CALN1: variants seen among roughly 807,000 people sequenced by gnomAD.
CALN1 encodes calneuron 1, also known as calcium-binding protein 8.
In CALN1, 17 loss-of-function variants were observed where a neutral mutation model predicts 30.6. That is an observed-to-expected ratio of 0.56 (90% CI 0.38 to 0.83). CALN1 has a LOEUF of 0.83. Ranked by LOEUF, CALN1 falls within the 40% of genes least tolerant of loss-of-function variation. CALN1 has a pLI of 0.00. For synonymous variants in CALN1, 156 were observed against 131.4 expected (o/e 1.19, Z -1.28); for missense variants, 291 against 354.9 (o/e 0.82, Z 1.45).
chr7:72,255,066 C>T (rs1795820194), intron 3 of CALN1, among the ~76,000 whole-genome samples: 1 of 151,484 alleles, frequency 6.6e-6, no homozygotes, highest in Admixed American at 6.6e-5. Context: ...GCTGGAATTA[C>T]AGGCATGAGC....
chr7:72,061,509 A>G (rs1803644244), intron 4 of CALN1, among the ~76,000 whole-genome samples: 1 of 152,012 alleles, frequency 6.6e-6, no homozygotes, highest in African/African-American at 2.4e-5. Context: ...CTACAATGAA[A>G]ATTTCAGAAC....
At chr7:72,408,813 G>A (rs1806894006) in intron 1 of CALN1, among the ~76,000 whole-genome samples, 1 of 150,680 alleles carries the variant, frequency 6.6e-6, no homozygotes, top group Non-Finnish European at 1.5e-5. Context: ...CAGTAGCTGG[G>A]ACTACAGGCG....
At chr7:72,436,704 C>T (rs1808169351) in intron 1 of CALN1, among the ~76,000 whole-genome samples, 1 of 152,096 alleles carries the variant, frequency 6.6e-6, no homozygotes, top group South Asian at 2.1e-4. Flanking sequence ...CTGCTCTGGG[C>T]ACACCCCCTC....
chr7:72,444,255 C>G (rs1394470298), intron 1 of CALN1, among the ~76,000 whole-genome samples: 1 of 151,984 alleles, frequency 6.6e-6, no homozygotes, highest in Non-Finnish European at 1.5e-5. Context: ...TGCTAGCAAT[C>G]AGAACAGCTC....
At chr7:72,089,039 G>A (rs1805675529) in intron 4 of CALN1, among the ~76,000 whole-genome samples, 1 of 151,898 alleles carries the variant, frequency 6.6e-6, no homozygotes, top group Non-Finnish European at 1.5e-5. Flanking sequence ...AAGCACTAAA[G>A]ACAGATATAG....
At chr7:72,359,373 C>A (rs912923484) in intron 2 of CALN1, among the ~76,000 whole-genome samples, 8 of 152,156 alleles carry the variant, frequency 5.3e-5, no homozygotes, top group Non-Finnish European at 8.8e-5. Context: ...TCCTACAGGG[C>A]AAGTATTGTA....
the CALN1 span, among the ~76,000 whole-genome samples, chr7:72,453,680 T>C: frequency 6.6e-6 from 1 of 152,230 alleles, no homozygotes; most frequent in Admixed American, 6.6e-5. Context: ...GTTTGAAACA[T>C]CTCATGTGGA....
intron 3 of CALN1, among the ~76,000 whole-genome samples, chr7:72,108,919 CTT>C (rs1423664008): frequency 6.6e-6 from 1 of 152,172 alleles, no homozygotes; most frequent in Admixed American, 6.5e-5. Context: ...GCAAAACTGT[CTT>C]TGCTCACCAT....
intron 3 of CALN1, among the ~76,000 whole-genome samples, chr7:72,148,563 C>A (rs1020796042): frequency 6.6e-6 from 1 of 152,128 alleles, no homozygotes; most frequent in African/African-American, 2.4e-5. Context: ...TGTGCCACTG[C>A]ACTCCACCTT....
rs1562836015 is a variant in CALN1 at position 71,847,847 on chromosome 7, G to GAAGA, written c.502-37356_502-37355insTCTT. On this transcript the variant is annotated intron_variant, in intron 5 of 6. Transcript: ENST00000395275. ...GGAGAAGGAGAAGGAGAAGGAGAAG[G>GAAGA]AGAAGAAGAAGAGGAAAGTTTTCCC... Among the ~76,000 whole-genome samples the GAAGA allele has an allele frequency of 2.3e-4, 31 of 134,892 alleles. No homozygotes were observed. The East Asian group carries it at 2.8e-3, about 12-fold the overall frequency. 88.5% of individuals were successfully genotyped at this position (134,892 alleles called of 152,430 possible).
At chr7:72,408,549 A>G (rs1806864194) in intron 1 of CALN1, among the ~76,000 whole-genome samples, 1 of 152,174 alleles carries the variant, frequency 6.6e-6, no homozygotes, top group South Asian at 2.1e-4. Flanking sequence ...AAAACCAACA[A>G]GGCCCTGGTC....
At chr7:71,904,801 T>C (rs921653150) in intron 5 of CALN1, among the ~76,000 whole-genome samples, 15 of 152,262 alleles carry the variant, frequency 9.9e-5, no homozygotes, top group African/African-American at 3.6e-4. Context: ...TTGCACATGG[T>C]AAATACATAC....
At chr7:72,092,147 T>A (rs572085717) in intron 4 of CALN1, among the ~76,000 whole-genome samples, 1 of 152,322 alleles carries the variant, frequency 6.6e-6, no homozygotes, top group Non-Finnish European at 1.5e-5. Flanking sequence ...TTTGTGAATT[T>A]GTTGCTTTTC....
the CALN1 span, among the ~76,000 whole-genome samples, chr7:72,480,883 CCT>C: frequency 6.6e-6 from 1 of 152,118 alleles, no homozygotes; most frequent in Non-Finnish European, 1.5e-5. Flanking sequence ...AACGATGTCA[CCT>C]CTCTCATTCC....
intron 5 of CALN1, among the ~76,000 whole-genome samples, chr7:71,810,892 G>GTA: frequency 7.0e-6 from 1 of 142,152 alleles, no homozygotes; most frequent in South Asian, 2.3e-4. Flanking sequence ...GTTTAAGCAT[G>GTA]TATCTTTTTT....
intron 5 of CALN1, among the ~76,000 whole-genome samples, chr7:72,023,326 C>G (rs1330345065): frequency 6.6e-6 from 1 of 152,112 alleles, no homozygotes; most frequent in Non-Finnish European, 1.5e-5. Context: ...CAAAGATATC[C>G]CGGAACTGGG....
At chr7:71,837,916 G>A (rs980334005) in intron 5 of CALN1, among the ~76,000 whole-genome samples, 1 of 152,056 alleles carries the variant, frequency 6.6e-6, no homozygotes, top group African/African-American at 2.4e-5. Flanking sequence ...CGCCAGAACA[G>A]GAGGGATGAA....
the CALN1 span, among the ~76,000 whole-genome samples, chr7:72,473,456 T>C: frequency 6.6e-6 from 1 of 152,080 alleles, no homozygotes; most frequent in East Asian, 1.9e-4. Context: ...GTTCCATAAC[T>C]CCCTCTTCAA....
At chr7:72,309,446 G>A (rs1799886249) in intron 2 of CALN1, among the ~76,000 whole-genome samples, 1 of 152,118 alleles carries the variant, frequency 6.6e-6, no homozygotes, top group Non-Finnish European at 1.5e-5. Flanking sequence ...CCCGTGCAAG[G>A]TCCTGTGGCC....
Sources: allele counts gnomAD v4.1 joint callset (sites outside exome capture counted in the v4.1 genomes callset), GRCh38; gene constraint gnomAD v4.1.1; transcripts MANE v1.5; gene names NCBI Gene and HGNC (gene_info 2026-07-23, HGNC 2026-07-21).